Variants in GRID2 observed in about 807,000 individuals in gnomAD.
The protein encoded by GRID2 is glutamate ionotropic receptor delta type subunit 2, also known as glutamate receptor ionotropic, delta-2.
A neutral mutation model predicts 114.8 loss-of-function variants in GRID2; 33 were observed. The ratio of observed to expected loss-of-function variants is 0.29; its 90% CI spans 0.22 to 0.38. The LOEUF (loss-of-function observed/expected upper bound fraction) is 0.38. Among genes scored for constraint, GRID2 ranks in the 10% least tolerant of loss-of-function variants. The pLI, the probability that GRID2 is intolerant of heterozygous loss-of-function variation, is 1.00. For missense variants in GRID2, 1,184 were observed against 1,257.7 expected (o/e 0.94, Z 0.89); for synonymous variants, 505 against 449.9 (o/e 1.12, Z -1.55).
At chr4:92,799,604 T>A (rs1022598715) in intron 2 of GRID2, among the ~76,000 whole-genome samples, 1 of 151,922 alleles carries the variant, frequency 6.6e-6, no homozygotes. Flanking sequence ...TTTATACATT[T>A]CCTCTTCTTA....
chr4:93,076,246 G>A lies in GRID2; in HGVS notation c.245-8749G>A, dbSNP rs185352480. Reference sequence around the variant, plus strand: ...AATAAGGTAATTAAAATAGCATGGCGGTGGGAGAGTGTGTGGAATGGCAGG... The same window carrying A: ...AATAAGGTAATTAAAATAGCATGGCAGTGGGAGAGTGTGTGGAATGGCAGG... On this transcript the variant is annotated intron_variant, in intron 2 of 15. Transcript: ENST00000282020. Among the ~76,000 whole-genome samples, 89 of 152,102 alleles carry A rather than the reference G, an allele frequency of 5.9e-4. 1 individual carries two copies. Among genetic ancestry groups the A allele is most frequent in the African/African-American group, 1.9e-3 (80 of 41,494 alleles).
chr4:93,088,383 G>T (rs1416195112), intron 3 of GRID2, among the ~76,000 whole-genome samples: 1 of 152,076 alleles, frequency 6.6e-6, no homozygotes, highest in Non-Finnish European at 1.5e-5. Context: ...TGCAAACTAT[G>T]AGATAAAAAG....
intron 4 of GRID2, among the ~76,000 whole-genome samples, chr4:93,124,498 C>G (rs1435063142): frequency 6.6e-6 from 1 of 152,154 alleles, no homozygotes; most frequent in East Asian, 1.9e-4. Context: ...CCATAGATTA[C>G]CACTATCTGC....
rs1056384361 is a variant in GRID2, at chr4:92,850,147, A to G, written c.245-234848A>G. ...AAGATCTACAAAGTTTATCAGCACT[A>G]AGAAATCATTGTTTTTCTAGTAATA... On this transcript the variant is annotated intron_variant, in intron 2 of 15. Coordinates refer to ENST00000282020, the MANE Select transcript of GRID2 (RefSeq NM_001510.4). Among the ~76,000 whole-genome samples, 3 of 151,386 alleles carry G rather than the reference A, an allele frequency of 2.0e-5. No homozygotes were observed. In the South Asian group the frequency reaches 6.3e-4, roughly 32 times the overall value.
At chr4:93,625,263 T>C (rs2149688355) in intron 13 of GRID2, among the ~76,000 whole-genome samples, 1 of 152,240 alleles carries the variant, frequency 6.6e-6, no homozygotes, top group East Asian at 1.9e-4. Flanking sequence ...GCTTTCAGGG[T>C]CCCCAGAAGG....
chr4:93,645,598 A>G (rs1037316088), intron 14 of GRID2, among the ~76,000 whole-genome samples: 3 of 152,044 alleles, frequency 2.0e-5, no homozygotes, highest in East Asian at 1.9e-4. Context: ...ACCTAATTAA[A>G]TCTCTTAGCA....
chr4:93,382,445 G>A (rs1446305151), intron 8 of GRID2, among the ~76,000 whole-genome samples: 2 of 151,754 alleles, frequency 1.3e-5, no homozygotes, highest in African/African-American at 4.8e-5. Context: ...CTGTTCCTTG[G>A]ATTGATAATT....
Position 93,455,847 on chromosome 4 carries a change from C to G in GRID2, c.1731C>G (p.Val577=), listed in dbSNP as rs1200675041. Residue 577 remains valine (V), a synonymous_variant, in exon 11 of 16, where the codon GTC becomes GTG. Transcript: ENST00000282020. ...LSLWACIAGT[V]LLVGLLVYLL... is the part of the protein sequence containing the mutation. ...TATGGGCTTGCATTGCTGGCACAGTCCTTCTGGTGGGTCTACTGGTCTACC... is the reference window on the plus strand; with the variant it reads ...TATGGGCTTGCATTGCTGGCACAGTGCTTCTGGTGGGTCTACTGGTCTACC... The G allele has an allele frequency of 6.2e-7, 1 of 1,612,270 alleles. No homozygotes were observed.
intron 1 of GRID2, among the ~76,000 whole-genome samples, chr4:92,361,246 T>C (rs536474215): frequency 5.9e-5 from 9 of 152,150 alleles, no homozygotes; most frequent in Admixed American, 2.6e-4. Context: ...ACAAATACTT[T>C]ATTTAACCTT....
At chr4:93,424,747 A>G (rs1196147666) in intron 10 of GRID2, among the ~76,000 whole-genome samples, 1 of 151,740 alleles carries the variant, frequency 6.6e-6, no homozygotes, top group African/African-American at 2.4e-5. Context: ...TATTTCTTCA[A>G]TTTTTTTTAC....
intron 2 of GRID2, among the ~76,000 whole-genome samples, chr4:92,892,768 A>G (rs1221145703): frequency 6.6e-6 from 1 of 152,230 alleles, no homozygotes; most frequent in Admixed American, 6.5e-5. Flanking sequence ...ATTTAATGAT[A>G]AAATAGTATG....
At position 92,882,902 on chromosome 4, in the gene GRID2, C is replaced by A. The variant is rs548926426; in HGVS notation, c.245-202093C>A. Among the ~76,000 whole-genome samples, 131 of 152,302 alleles carry A rather than the reference C, an allele frequency of 8.6e-4. 1 individual carries two copies. The highest frequency in any genetic ancestry group is 1.5e-3 in the Non-Finnish European group (102 of 68,030). On this transcript the variant is annotated intron_variant, in intron 2 of 15. Transcript: ENST00000282020. Reference sequence around the variant, plus strand: ...ATCTTTTTACTGGTGGAGAGTCTTGCCTCCATGTTGAAGGCTGCTGAGTGG... The same window carrying A: ...ATCTTTTTACTGGTGGAGAGTCTTGACTCCATGTTGAAGGCTGCTGAGTGG...
chr4:93,614,267 G>T (rs1021893149), intron 13 of GRID2, among the ~76,000 whole-genome samples: 1 of 152,144 alleles, frequency 6.6e-6, no homozygotes, highest in South Asian at 2.1e-4. Flanking sequence ...GAAATCACCC[G>T]TCTTCTGCGT....
At chr4:93,333,084 C>A (rs756397295) in intron 8 of GRID2, among the ~76,000 whole-genome samples, 1 of 151,938 alleles carries the variant, frequency 6.6e-6, no homozygotes, top group Non-Finnish European at 1.5e-5. Flanking sequence ...TGCTCTAAGC[C>A]TTTTTTAGCT....
intron 2 of GRID2, among the ~76,000 whole-genome samples, chr4:92,899,726 CT>C (rs1747434584): frequency 6.6e-6 from 1 of 152,138 alleles, no homozygotes; most frequent in African/African-American, 2.4e-5. Context: ...ACAATATTTG[CT>C]GTGGGTTTTT....
At chr4:92,452,091 T>G (rs1315864741) in intron 1 of GRID2, among the ~76,000 whole-genome samples, 2 of 152,160 alleles carry the variant, frequency 1.3e-5, no homozygotes, top group Non-Finnish European at 2.9e-5. Context: ...TGTATAAGTG[T>G]AAAAGACAGG....
intron 2 of GRID2, among the ~76,000 whole-genome samples, chr4:92,679,371 A>AT: frequency 6.6e-6 from 1 of 152,036 alleles, no homozygotes; most frequent in Non-Finnish European, 1.5e-5. Flanking sequence ...GCAGAGCAGC[A>AT]TTTTTTTCTT....
At chr4:93,792,981 A>G (rs1264866521) in intron 1 of GRID2, among the ~76,000 whole-genome samples, 2 of 152,208 alleles carry the variant, frequency 1.3e-5, no homozygotes, top group Non-Finnish European at 2.9e-5. Context: ...CTGTGAAACA[A>G]TGTACATGCA....
intron 12 of GRID2, among the ~76,000 whole-genome samples, chr4:93,506,401 G>A (rs996534011): frequency 4.6e-5 from 7 of 152,230 alleles, no homozygotes; most frequent in South Asian, 2.1e-4. Flanking sequence ...ATCTTGCTGC[G>A]CACTTTTTCT....
Sources: gnomAD v4.1 joint callset for allele counts (sites outside exome capture counted in the v4.1 genomes callset) on GRCh38, gnomAD v4.1.1 for gene constraint, MANE v1.5 for transcripts, NCBI Gene and HGNC (gene_info 2026-07-23, HGNC 2026-07-21) for gene names.